Variants in MYO3A observed in about 807,000 individuals in gnomAD.
The protein encoded by MYO3A is myosin IIIA, also known as myosin-IIIa.
A neutral mutation model predicts 192.7 loss-of-function variants in MYO3A; 180 were observed. That is an observed-to-expected ratio of 0.93 (90% confidence interval 0.83 to 1.06). The LOEUF is 1.06. MYO3A is among the 50% of genes least tolerant of loss of function. The pLI, the probability that MYO3A is intolerant of heterozygous loss-of-function variation, is 0.00. For missense variants in MYO3A, 1,896 were observed against 1,905.0 expected, an observed-to-expected ratio of 1.00 and a Z score of 0.09; for synonymous variants, 628 against 645.3, an observed-to-expected ratio of 0.97 and a Z score of 0.41.
At chr10:25,960,949 AT>A (rs1218441198) in intron 4 of MYO3A, among the ~76,000 whole-genome samples, 1 of 152,144 alleles carries the variant, frequency 6.6e-6, no homozygotes, top group African/African-American at 2.4e-5. Flanking sequence ...ACTTTTACTC[AT>A]CTAAGCTTAG....
chr10:25,997,731 G>A (rs12257431), intron 6 of MYO3A, among the ~76,000 whole-genome samples: 14,479 of 152,130 alleles, frequency 0.095, 1,223 homozygotes, highest in African/African-American at 0.22. Flanking sequence ...CAGTGATGCC[G>A]GAAACTGCTA....
intron 17 of MYO3A, among the ~76,000 whole-genome samples, chr10:26,104,569 A>G (rs1185804839): frequency 6.6e-6 from 1 of 152,166 alleles, no homozygotes; most frequent in Non-Finnish European, 1.5e-5. Flanking sequence ...ACACATGAGT[A>G]TCGCAGCTAT....
intron 4 of MYO3A, among the ~76,000 whole-genome samples, chr10:25,960,861 G>C (rs1270907126): frequency 6.6e-6 from 1 of 151,962 alleles, no homozygotes; most frequent in South Asian, 2.1e-4. Flanking sequence ...GTTGTTTAAG[G>C]GTCAACTGCA....
In MYO3A at chr10:25,997,250, T is replaced by G. The variant is rs747856928; in HGVS notation, c.500T>G (p.Val167Gly). 1.2e-6 allele frequency: 2 copies of G among 1,608,930 alleles called. No individual in the cohort carries two copies. Among genetic ancestry groups the G allele is most frequent in the South Asian group, 2.2e-5 (2 of 90,976 alleles). ...LLTTEGGVKLVDFGVSAQLTS... is the reference protein window; with the variant it reads ...LLTTEGGVKLGDFGVSAQLTS... ...ACCACGGAAGGTGGAGTGAAACTAGTAGATTTTGGTAAGTTTTGTTTAAAA... is the reference window on the plus strand; with the variant it reads ...ACCACGGAAGGTGGAGTGAAACTAGGAGATTTTGGTAAGTTTTGTTTAAAA... Residue 167 changes from valine to glycine, a missense_variant, in exon 6 of 35, where the codon GTA (valine) becomes GGA (glycine). Val to Gly is a moderately radical substitution (Grantham distance 109). Transcript: ENST00000642920.
chr10:26,117,958 A>G (rs1416527101), intron 17 of MYO3A, among the ~76,000 whole-genome samples: 1 of 152,206 alleles, frequency 6.6e-6, no homozygotes, highest in African/African-American at 2.4e-5. Flanking sequence ...GACTCCCACC[A>G]ACAGTGTAGG....
chr10:26,036,062 T>A (rs1843018828), intron 10 of MYO3A, among the ~76,000 whole-genome samples: 1 of 152,024 alleles, frequency 6.6e-6, no homozygotes, highest in South Asian at 2.1e-4. Flanking sequence ...GCCTCCCAAG[T>A]AGCTGGGACT....
intron 7 of MYO3A, among the ~76,000 whole-genome samples, chr10:26,021,157 A>G (rs1459781297): frequency 4.6e-5 from 7 of 152,170 alleles, no homozygotes; most frequent in Non-Finnish European, 1.0e-4. Context: ...ATAGACATTT[A>G]TTGAGTGACT....
intron 10 of MYO3A, among the ~76,000 whole-genome samples, chr10:26,034,489 A>G (rs970454009): frequency 6.6e-6 from 1 of 152,256 alleles, no homozygotes; most frequent in Non-Finnish European, 1.5e-5. Flanking sequence ...GATGAAGTAA[A>G]GACTGTATCT....
At chr10:25,973,694 G>A (rs1002715163) in intron 4 of MYO3A, among the ~76,000 whole-genome samples, 9 of 152,000 alleles carry the variant, frequency 5.9e-5, no homozygotes, top group Non-Finnish European at 8.8e-5. Flanking sequence ...ATGAGGGGAT[G>A]TTGAATTTAC....
Position 26,128,552 on chromosome 10 carries a change from C to T in MYO3A, c.2262+14C>T. 3 of 1,599,692 alleles carry T rather than the reference C, an allele frequency of 1.9e-6. No individual in the cohort carries two copies. Among genetic ancestry groups the T allele is most frequent in the Non-Finnish European group, 2.6e-6 (3 of 1,169,186 alleles). On this transcript the variant is annotated intron_variant, in intron 20 of 34. Transcript: ENST00000642920. Reference sequence around the variant, plus strand: ...GCATGGGAACAGGTAAGTCTAAGTACTTACTATAAATATGCATGCATGCAT... The same window carrying T: ...GCATGGGAACAGGTAAGTCTAAGTATTTACTATAAATATGCATGCATGCAT...
chr10:26,048,212 G>A lies in MYO3A; in HGVS notation c.954-18763G>A, dbSNP rs180789526. 3.9e-4 allele frequency among the ~76,000 whole-genome samples: 60 copies of A among 152,210 alleles called. 1 individual carries two copies. Among genetic ancestry groups the A allele is most frequent in the Non-Finnish European group, 7.8e-4 (53 of 68,014 alleles). ...GGAACACAGGGCTTTATCTCTGGCT[G>A]TTCAGTTGCCCTAATCTTGTTTGCT... On this transcript the variant is annotated intron_variant, in intron 10 of 34. Coordinates refer to ENST00000642920, the MANE Select transcript of MYO3A (RefSeq NM_017433.5).
intron 15 of MYO3A, among the ~76,000 whole-genome samples, chr10:26,091,320 T>C (rs1836687842): frequency 6.6e-6 from 1 of 152,250 alleles, no homozygotes; most frequent in Admixed American, 6.5e-5. Context: ...ACCTTTCTAA[T>C]GATGATAGTA....
Position 26,065,585 on chromosome 10 carries a change from C to CA in MYO3A, c.954-1362dup, listed in dbSNP as rs33982842. Among the ~76,000 whole-genome samples the CA allele has an allele frequency of 1.6e-3, 37 of 23,260 alleles. 1 individual carries two copies. The highest frequency in any genetic ancestry group is 2.9e-3 in the African/African-American group (17 of 5,842). The allele number at this position is 23,260 out of a possible 152,430, so 15.3% of individuals were successfully genotyped here. A position where few individuals can be genotyped will look rare whatever the true frequency, so the allele number is the denominator to read the frequency against. On this transcript the variant is annotated intron_variant, in intron 10 of 34. Coordinates refer to ENST00000642920, the MANE Select transcript of MYO3A (RefSeq NM_017433.5). ...GGGTGACAGAGCGAGACTCCATCTC[C>CA]AAAAAAAAAAAAAAAAAAAAAAAAA...
intron 15 of MYO3A, among the ~76,000 whole-genome samples, chr10:26,095,390 CAGG>C (rs1055980337): frequency 5.9e-5 from 9 of 152,140 alleles, no homozygotes; most frequent in Non-Finnish European, 1.3e-4. Flanking sequence ...CATCCTAAAA[CAGG>C]AGGAGATCCT....
At chr10:26,036,581 G>T (rs546438127) in intron 10 of MYO3A, among the ~76,000 whole-genome samples, 1 of 152,186 alleles carries the variant, frequency 6.6e-6, no homozygotes, top group East Asian at 1.9e-4. Context: ...ACTTTTTTTA[G>T]CCTGTTATTT....
chr10:26,047,472 A>C (rs1194316957), intron 10 of MYO3A, among the ~76,000 whole-genome samples: 1 of 152,212 alleles, frequency 6.6e-6, no homozygotes, highest in East Asian at 1.9e-4. Context: ...TATTGGTGTC[A>C]TAAGAAAAGA....
At chr10:26,192,805 C>G (rs1843214565) in intron 31 of MYO3A, among the ~76,000 whole-genome samples, 1 of 152,042 alleles carries the variant, frequency 6.6e-6, no homozygotes. Flanking sequence ...GGGTGCCCAC[C>G]ACCACGCCTG....
intron 10 of MYO3A, among the ~76,000 whole-genome samples, chr10:26,042,953 C>T (rs1843433256): frequency 6.6e-6 from 1 of 152,128 alleles, no homozygotes. Flanking sequence ...GCCTATCTTT[C>T]TTGGGAAGGC....
At chr10:26,196,908 A>C (rs1037928535) in intron 32 of MYO3A, among the ~76,000 whole-genome samples, 1 of 152,252 alleles carries the variant, frequency 6.6e-6, no homozygotes, top group Non-Finnish European at 1.5e-5. Context: ...TGGAGCATCC[A>C]TCGTCTCAAG....
Sources: gnomAD v4.1 joint callset for allele counts (sites outside exome capture counted in the v4.1 genomes callset) on GRCh38, gnomAD v4.1.1 for gene constraint, MANE v1.5 for transcripts, NCBI Gene and HGNC (gene_info 2026-07-23, HGNC 2026-07-21) for gene names.